The following RPL36 variants were observed in gnomAD, a reference collection of about 807,000 sequenced individuals.
RPL36 encodes ribosomal protein L36, also known as large ribosomal subunit protein eL36.
For missense variants in RPL36, 131 were observed against 144.9 expected, an observed-to-expected ratio of 0.90 and a Z score of 0.49; for synonymous variants, 74 against 56.0, an observed-to-expected ratio of 1.32 and a Z score of -1.44.
intron 2 of RPL36, 101 bp from the exon 3 acceptor site, chr19:5,691,218 A>G (rs967736209): frequency 1.3e-5 from 21 of 1,557,490 alleles, no homozygotes; most frequent in South Asian, 2.2e-5. Flanking sequence ...CTACCCACAG[A>G]GGGGAGGAAG....
chr19:5,691,520 C>T lies in RPL36; in HGVS notation c.229-12C>T, dbSNP rs45583031. 82,119 of 1,610,194 alleles carry T rather than the reference C, an allele frequency of 0.051. 2,329 individuals carry two copies. Among genetic ancestry groups the T allele is most frequent in the Middle Eastern group, 0.074 (388 of 5,264 alleles). The stretch of plus-strand genomic sequence containing the variant: ...GTCAGGGCCGGGCTGACGGCGGCCT[C>T]GTCCCTGGCAGGTGGGGACGCACAT... On this transcript the variant is annotated splice_polypyrimidine_tract_variant and intron_variant, in intron 3 of 3. Transcript: ENST00000347512.
At chr19:5,691,171 C>G in intron 2 of RPL36, 148 bp from the exon 3 acceptor site, 2 of 1,172,020 alleles carry the variant, frequency 1.7e-6, no homozygotes, top group South Asian at 2.7e-5. Context: ...CCGGGCGCGG[C>G]GAAAAGCGCT....
chr19:5,691,206 A>G (rs1308621996), intron 2 of RPL36, 113 bp from the exon 3 acceptor site: 2 of 1,513,282 alleles, frequency 1.3e-6, no homozygotes, highest in African/African-American at 2.7e-5. Context: ...TGGTTCTCAC[A>G]GCTACCCACA....
Position 5,690,315 on chromosome 19 carries a change from T to A in RPL36, c.-15T>A, listed in dbSNP as rs1407103118. 1 of 638,768 alleles carries A rather than the reference T, an allele frequency of 1.6e-6. No homozygotes were observed. The highest frequency in any genetic ancestry group is 1.8e-5 in the African/African-American group (1 of 55,632). The allele number at this position is 638,768 out of a possible 1,614,324, so 39.6% of individuals were successfully genotyped here. On this transcript the variant is annotated 5_prime_UTR_variant, in exon 1 of 4. Coordinates refer to ENST00000347512, the MANE Select transcript of RPL36 (RefSeq NM_033643.3). ...CCAGCCCTTCCGCCACGGCCGTCTC[T>A]GGAGAGCAGCAGGTAAGTGGTTTCC... is the stretch of plus-strand genomic sequence containing the variant.
chr19:5,690,397 G>A, intron 1 of RPL36, 70 bp downstream of exon 1: 1 of 849,328 alleles, frequency 1.2e-6, no homozygotes, highest in East Asian at 2.6e-5. Context: ...CAGGTTGGAG[G>A]ATGGTTGGTT....
Position 5,691,385 on chromosome 19 carries a change from G to A in RPL36, c.160G>A (p.Glu54Lys). ...IREVCGFAPY[E>K]RRAMELLKVS... ...GGAGGTGTGTGGCTTTGCCCCGTACGAGCGGCGCGCCATGGAGTTACTGAA... is the reference window on the plus strand; with the variant it reads ...GGAGGTGTGTGGCTTTGCCCCGTACAAGCGGCGCGCCATGGAGTTACTGAA... The change falls in exon 3 of 4, where the codon GAG becomes AAG. Residue 54 changes from glutamate (E) to lysine (K), a missense_variant. Glu to Lys is a moderately conservative substitution (Grantham distance 56). Transcript: ENST00000347512. 1 of 1,613,926 alleles carries A rather than the reference G, an allele frequency of 6.2e-7. No individual in the cohort carries two copies. The highest frequency in any genetic ancestry group is 8.5e-7 in the Non-Finnish European group (1 of 1,180,044).
chr19:5,690,579 CA>C lies in RPL36; in HGVS notation c.73del (p.Arg25GlyfsTer9). ...AAGTGACCAAGAACGTGAGCAAGCC[CA>C]GGCACAGCCGACGCCGCGGGGTGAG... is the stretch of plus-strand genomic sequence containing the variant. ...HKVTKNVSKP[R>X]HSRRRGRLTK... On this transcript the variant is annotated frameshift_variant, in exon 2 of 4. Transcript: ENST00000347512. LOFTEE classifies it high-confidence loss of function. The C allele has an allele frequency of 1.3e-6, 2 of 1,569,782 alleles. No homozygotes were observed. The highest frequency in any genetic ancestry group is 2.3e-5 in the East Asian group (1 of 42,758).
At position 5,691,520 on chromosome 19, in the gene RPL36, C is replaced by G. The variant is rs45583031; in HGVS notation, c.229-12C>G. 1.2e-5 allele frequency: 20 copies of G among 1,610,094 alleles called. 1 individual carries two copies. The highest frequency in any genetic ancestry group is 3.8e-4 in the Middle Eastern group (2 of 5,292). ...GTCAGGGCCGGGCTGACGGCGGCCT[C>G]GTCCCTGGCAGGTGGGGACGCACAT... On this transcript the variant is annotated splice_polypyrimidine_tract_variant and intron_variant, in intron 3 of 3. Coordinates refer to ENST00000347512, the MANE Select transcript of RPL36 (RefSeq NM_033643.3).
intron 3 of RPL36, 29 bp from the exon 4 acceptor site, chr19:5,691,503 C>T (rs1287093848): frequency 3.7e-6 from 6 of 1,607,452 alleles, no homozygotes; most frequent in Non-Finnish European, 4.3e-6. Flanking sequence ...GAGTCAGGGC[C>T]GGGCTGACGG....
chr19:5,690,954 G>A (rs1234858174), intron 2 of RPL36: 1 of 528,076 alleles, frequency 1.9e-6, no homozygotes, highest in East Asian at 3.3e-5. Flanking sequence ...TGTATTGGGC[G>A]CCTTTATTAA....
At chr19:5,690,687 A>C in intron 2 of RPL36, 87 bp downstream of exon 2, 2 of 1,113,104 alleles carry the variant, frequency 1.8e-6, no homozygotes, top group Non-Finnish European at 2.6e-6. Flanking sequence ...ACCTGAAAGA[A>C]CGCGCGTTCG....
At position 5,691,360 on chromosome 19, in the gene RPL36, G is replaced by A. The variant is rs2054816418; in HGVS notation, c.135G>A (p.Arg45=). ...CCAAGTTCGTGCGGGACATGATTCG[G>A]GAGGTGTGTGGCTTTGCCCCGTACG... ...KHTKFVRDMI[R]EVCGFAPYER... is the part of the protein sequence containing the mutation. The change falls in exon 3 of 4, where the codon CGG becomes CGA. Residue 45 remains arginine (R), a synonymous_variant. Coordinates refer to ENST00000347512, the MANE Select transcript of RPL36 (RefSeq NM_033643.3). 2 of 1,613,436 alleles carry A rather than the reference G, an allele frequency of 1.2e-6. No homozygotes were observed. Among genetic ancestry groups the A allele is most frequent in the African/African-American group, 2.7e-5 (2 of 74,914 alleles).
chr19:5,690,664 G>A, intron 2 of RPL36, 64 bp downstream of exon 2: 2 of 1,330,748 alleles, frequency 1.5e-6, no homozygotes, highest in Non-Finnish European at 2.1e-6. Flanking sequence ...CATGGCTTGG[G>A]CAAAGGCTCT....
intron 2 of RPL36, 35 bp from the exon 3 acceptor site, chr19:5,691,284 C>T (rs1196707451): frequency 2.5e-6 from 4 of 1,611,700 alleles, no homozygotes; most frequent in Non-Finnish European, 3.4e-6. Flanking sequence ...ATGCAGGGAT[C>T]CCCCTACCCT....
rs1396016442 is a variant in RPL36, at chr19:5,691,395, C to T, written c.170C>T (p.Ala57Val). 1.2e-6 allele frequency: 2 copies of T among 1,613,950 alleles called. No homozygotes were observed. The highest frequency in any genetic ancestry group is 1.7e-6 in the Non-Finnish European group (2 of 1,180,028). ...GGCTTTGCCCCGTACGAGCGGCGCG[C>T]CATGGAGTTACTGAAGGTCTCCAAG... The part of the protein sequence containing the change: ...VCGFAPYERR[A>V]MELLKVSKDK... Residue 57 changes from alanine (A) to valine (V), a missense_variant, in exon 3 of 4, where the codon GCC becomes GTC. Ala to Val is a moderately conservative substitution (Grantham distance 64). Coordinates refer to ENST00000347512, the MANE Select transcript of RPL36 (RefSeq NM_033643.3).
At position 5,691,299 on chromosome 19, in the gene RPL36, G is replaced by A. The variant is rs2054814992; in HGVS notation, c.94-20G>A. On this transcript the variant is annotated intron_variant, in intron 2 of 3. Transcript: ENST00000347512. ...ATGCAGGGATCCCCCTACCCTGACG[G>A]CCGCCCCTTTCCCCCCTAGCGTCTG... 1.1e-5 allele frequency: 17 copies of A among 1,612,210 alleles called. No homozygotes were observed. Among genetic ancestry groups the A allele is most frequent in the Non-Finnish European group, 1.4e-5 (16 of 1,179,992 alleles).
At position 5,691,693 on chromosome 19, in the gene RPL36, G is replaced by A. The variant is rs116739177; in HGVS notation, c.*72G>A. On this transcript the variant is annotated 3_prime_UTR_variant, in exon 4 of 4. Coordinates refer to ENST00000347512, the MANE Select transcript of RPL36 (RefSeq NM_033643.3). ...GCCCTGGCTCTCCTGCTGTCCGTGG[G>A]TGGGTGTGGGTGTGTCGGGGGCCCG... 1.4e-6 allele frequency: 2 copies of A among 1,442,336 alleles called. No individual in the cohort carries two copies. The highest frequency in any genetic ancestry group is 1.4e-5 in the African/African-American group (1 of 71,200). 89.3% of individuals were successfully genotyped at this position (1,442,336 alleles called of 1,614,324 possible). A position where few individuals can be genotyped will look rare whatever the true frequency, so the allele number is the denominator to read the frequency against.
At chr19:5,690,688 C>G in intron 2 of RPL36, 88 bp downstream of exon 2, 1 of 1,109,164 alleles carries the variant, frequency 9.0e-7, no homozygotes, top group Non-Finnish European at 1.3e-6. Context: ...CCTGAAAGAA[C>G]GCGCGTTCGG....
intron 1 of RPL36, 29 bp downstream of exon 1, chr19:5,690,356 C>A: frequency 1.4e-6 from 1 of 692,784 alleles, no homozygotes; most frequent in Non-Finnish European, 2.6e-6. Context: ...TGCCGGTATC[C>A]GCCGCCATCC....
Sources: gnomAD v4.1 joint callset for allele counts on GRCh38, gnomAD v4.1.1 for gene constraint, MANE v1.5 for transcripts, NCBI Gene and HGNC (gene_info 2026-07-23, HGNC 2026-07-21) for gene names.